MIA3: variants seen among roughly 807,000 people sequenced by gnomAD.
The protein encoded by MIA3 is transport and Golgi organization protein 1 homolog.
A neutral mutation model predicts 192.4 loss-of-function variants in MIA3; 90 were observed. The observed-to-expected ratio is 0.47, with a 90% CI of 0.39 to 0.56. The LOEUF (loss-of-function observed/expected upper bound fraction) is 0.56. MIA3 is among the 20% of genes least tolerant of loss of function. The probability of loss-of-function intolerance (pLI) is 0.00; values close to 1 mark genes in which losing one functional copy is unlikely to be tolerated. For missense variants in MIA3, 2,123 were observed against 2,269.4 expected, an observed-to-expected ratio of 0.94 and a Z score of 1.31; for synonymous variants, 740 against 792.8, an observed-to-expected ratio of 0.93 and a Z score of 1.12.
chr1:222,638,952 G>GAGA (rs1662744006), intron 6 of MIA3, among the ~76,000 whole-genome samples: 1 of 152,050 alleles, frequency 6.6e-6, no homozygotes, highest in Admixed American at 6.6e-5. Context: ...AAGGAAAAGA[G>GAGA]AGAAAATCAA....
intron 5 of MIA3, 105 bp from the exon 6 acceptor site, chr1:222,632,999 C>A: frequency 8.4e-7 from 1 of 1,192,572 alleles, no homozygotes; most frequent in Non-Finnish European, 1.2e-6. Flanking sequence ...AGAACGTTTA[C>A]TTTCCAGGCA....
chr1:222,633,141 T>C lies in MIA3; in HGVS notation c.3369T>C (p.Ile1123=). 6.2e-7 allele frequency: 1 copy of C among 1,613,628 alleles called. No homozygotes were observed. The highest frequency in any genetic ancestry group is 8.5e-7 in the Non-Finnish European group (1 of 1,179,906). Residue 1123 remains isoleucine, a synonymous_variant, in exon 6 of 28, where the codon ATT becomes ATC. Transcript: ENST00000344922. ...VTTEDTPMDA[I]DANKQPETAA... is the part of the protein sequence containing the mutation. ...CAGAAGACACTCCTATGGATGCTATTGATGCAAACAAGCAACCAGAGACAG... is the reference window on the plus strand; with the variant it reads ...CAGAAGACACTCCTATGGATGCTATCGATGCAAACAAGCAACCAGAGACAG...
At chr1:222,640,158 A>G (rs1440373764) in intron 6 of MIA3, among the ~76,000 whole-genome samples, 1 of 152,154 alleles carries the variant, frequency 6.6e-6, no homozygotes, top group Non-Finnish European at 1.5e-5. Flanking sequence ...ATGCATTAAA[A>G]ACTATAAAAT....
At chr1:222,665,269 C>T (rs559721945) in intron 27 of MIA3, 40 bp from the exon 28 acceptor site, 9 of 1,329,794 alleles carry the variant, frequency 6.8e-6, no homozygotes, top group South Asian at 5.5e-5. Flanking sequence ...AATTTAAATA[C>T]GTTCCTAGGA....
chr1:222,637,683 A>ATTTTTTTTTT (rs778221337), intron 6 of MIA3, among the ~76,000 whole-genome samples: 1 of 29,838 alleles, frequency 3.4e-5, no homozygotes, highest in Non-Finnish European at 1.5e-4. Context: ...AATCAAGAAT[A>ATTTTTTTTTT]ATTTTTTTTT....
chr1:222,619,354 A>T (rs1434893058), intron 1 of MIA3, among the ~76,000 whole-genome samples: 1 of 152,196 alleles, frequency 6.6e-6, no homozygotes, highest in Non-Finnish European at 1.5e-5. Flanking sequence ...GCCTATAGAA[A>T]CGTATTCATT....
In MIA3 at chr1:222,628,937, C is replaced by T. The variant is rs1662256789; in HGVS notation, c.1717C>T (p.Gln573Ter). Residue 573 changes from glutamine to a stop codon, truncating the protein, a stop_gained, in exon 4 of 28, where the codon CAA (glutamine) becomes TAA (stop). Transcript: ENST00000344922. LOFTEE classifies it high-confidence loss of function. ...GAATCAAATGAATGACAGAAAGATTCAACAGGAATCCCTGGGTAGTGCACC... is the reference window on the plus strand; with the variant it reads ...GAATCAAATGAATGACAGAAAGATTTAACAGGAATCCCTGGGTAGTGCACC... ...AGNQMNDRKI[Q>*]QESLGSAPLM... 1 of 1,614,040 alleles carries T rather than the reference C, an allele frequency of 6.2e-7. No individual in the cohort carries two copies. Among genetic ancestry groups the T allele is most frequent in the African/African-American group, 1.3e-5 (1 of 74,912 alleles).
rs1663046071 is a variant in MIA3 at position 222,644,639 on chromosome 1, G to A, written c.3478-915G>A. 3 of 1,539,212 alleles carry A rather than the reference G, an allele frequency of 1.9e-6. No individual in the cohort carries two copies. In the East Asian group the frequency reaches 7.3e-5, roughly 38 times the overall value. On this transcript the variant is annotated intron_variant, in intron 6 of 27. Coordinates refer to ENST00000344922, the MANE Select transcript of MIA3 (RefSeq NM_198551.4). ...CCCAAGCTGTCACAGGCGGGTGGAT[G>A]AGTTCTAAGCAGAGTGGGTGCACTG...
intron 1 of MIA3, among the ~76,000 whole-genome samples, chr1:222,620,349 A>G (rs1661800479): frequency 1.3e-5 from 2 of 152,244 alleles, no homozygotes; most frequent in African/African-American, 4.8e-5. Flanking sequence ...GCGTGATTGA[A>G]TTACTGACCT....
intron 19 of MIA3, chr1:222,659,037 G>A (rs1000546349): frequency 2.3e-5 from 11 of 486,766 alleles, no homozygotes; most frequent in African/African-American, 2.0e-4. Context: ...AAACAGTTCT[G>A]GGGGTTGGAG....
rs1317094264 is a variant in MIA3, at chr1:222,659,998, C to T, written c.4967C>T (p.Pro1656Leu). Residue 1656 changes from proline (P) to leucine (L), a missense_variant, in exon 23 of 28, where the codon CCA (proline) becomes CTA (leucine). Pro to Leu is a moderately conservative substitution (Grantham distance 98). Around this residue, in one of 3 missense-constraint regions of MIA3, gnomAD observed 762 missense variants for 856.4 expected, o/e 0.89. Transcript: ENST00000344922. ...GGAAAACCAAATACACAAAACCCTC[C>T]ACGGAGAGGTAAGGGAGCTACCTTG... is the stretch of plus-strand genomic sequence containing the variant. Reference protein sequence around the residue: ...MPGKPNTQNPPRRGPLSQNGS... With the variant: ...MPGKPNTQNPLRRGPLSQNGS... The T allele has an allele frequency of 6.2e-7, 1 of 1,612,430 alleles. No homozygotes were observed. Among genetic ancestry groups the T allele is most frequent in the Admixed American group, 1.7e-5 (1 of 59,936 alleles).
At chr1:222,648,422 G>A (rs561455023) in intron 7 of MIA3, among the ~76,000 whole-genome samples, 3 of 152,228 alleles carry the variant, frequency 2.0e-5, no homozygotes, top group East Asian at 1.9e-4. Flanking sequence ...TTGAGTAGTC[G>A]TTGTTTTTAG....
At chr1:222,647,857 A>G in intron 7 of MIA3, 1 of 353,172 alleles carries the variant, frequency 2.8e-6, no homozygotes, top group South Asian at 2.0e-5. Context: ...TTCTGAATGC[A>G]TATTCCTATA....
chr1:222,662,120 T>A lies in MIA3; in HGVS notation c.5178T>A (p.Pro1726=). 6.2e-7 allele frequency: 1 copy of A among 1,613,884 alleles called. No homozygotes were observed. Among genetic ancestry groups the A allele is most frequent in the Non-Finnish European group, 8.5e-7 (1 of 1,179,796 alleles). ...WSAEASGKPS[P]SDPGSGTATM... ...CTGAGGCATCTGGGAAACCCTCTCC[T>A]TCTGGTAAGGGAGCAAGAGTGTTCA... Residue 1726 remains proline, a synonymous_variant, in exon 25 of 28, where the codon CCT becomes CCA. Transcript: ENST00000344922.
At position 222,662,875 on chromosome 1, in the gene MIA3, T is replaced by A. The variant is rs186415170; in HGVS notation, c.5262+543T>A. The A allele has an allele frequency of 1.5e-3, 240 of 155,916 alleles. 1 individual carries two copies. Among genetic ancestry groups the A allele is most frequent in the South Asian group, 3.8e-3 (20 of 5,254 alleles). 9.7% of individuals were successfully genotyped at this position (155,916 alleles called of 1,614,324 possible). On this transcript the variant is annotated intron_variant, in intron 26 of 27. Coordinates refer to ENST00000344922, the MANE Select transcript of MIA3 (RefSeq NM_198551.4). ...ACTAGGCAAACCCTATTTTGAATGA[T>A]CTGAAATTACAGATTGATAACAGAA...
At chr1:222,641,122 G>A (rs1338109029) in intron 6 of MIA3, among the ~76,000 whole-genome samples, 1 of 152,248 alleles carries the variant, frequency 6.6e-6, no homozygotes, top group African/African-American at 2.4e-5. Context: ...ATGGGGATGT[G>A]AAGTGGTACA....
intron 4 of MIA3, among the ~76,000 whole-genome samples, chr1:222,631,646 T>C (rs1268980053): frequency 1.3e-5 from 2 of 152,230 alleles, no homozygotes; most frequent in African/African-American, 4.8e-5. Flanking sequence ...GTGGATCACA[T>C]TGGACTGTCC....
At chr1:222,621,878 G>T (rs1290936697) in intron 2 of MIA3, among the ~76,000 whole-genome samples, 3 of 147,916 alleles carry the variant, frequency 2.0e-5, no homozygotes, top group East Asian at 2.0e-4. Flanking sequence ...GCGCGATCTC[G>T]GCTCACTGCA....
intron 6 of MIA3, among the ~76,000 whole-genome samples, chr1:222,635,049 C>A (rs773115064): frequency 1.2e-4 from 19 of 152,154 alleles, no homozygotes; most frequent in Non-Finnish European, 2.8e-4. Context: ...ACATTGAATA[C>A]CTGAGGGTTT....
Sources: allele counts gnomAD v4.1 joint callset (sites outside exome capture counted in the v4.1 genomes callset), GRCh38; gene constraint gnomAD v4.1.1; regional missense constraint gnomAD v4.1.1; transcripts MANE v1.5; gene names NCBI Gene and HGNC (gene_info 2026-07-23, HGNC 2026-07-21).